The following TUBGCP3 variants were observed in gnomAD, a reference collection of about 807,000 sequenced individuals.
The protein encoded by TUBGCP3 is gamma-tubulin complex component 3.
A neutral mutation model predicts 123.1 loss-of-function variants in TUBGCP3; 50 were observed. The observed-to-expected ratio is 0.41, with a 90% confidence interval of 0.32 to 0.51. TUBGCP3 has a LOEUF of 0.51. Among genes scored for constraint, TUBGCP3 ranks in the 20% least tolerant of loss-of-function variants. The pLI is 0.36. For synonymous variants in TUBGCP3, 405 were observed against 413.9 expected (o/e 0.98, Z 0.26); for missense variants, 882 against 1,127.0 (o/e 0.78, Z 3.11).
intron 11 of TUBGCP3, among the ~76,000 whole-genome samples, chr13:112,539,952 T>C (rs1297756761): frequency 7.9e-6 from 1 of 127,202 alleles, no homozygotes; most frequent in East Asian, 2.4e-4. Flanking sequence ...CTGGGAGTGA[T>C]GACGTCAATG....
intron 4 of TUBGCP3, among the ~76,000 whole-genome samples, chr13:112,558,730 C>T (rs6577092): frequency 0.45 from 68,250 of 152,024 alleles, 19,716 homozygotes; most frequent in African/African-American, 0.83. Context: ...TATATATTCA[C>T]ATCTATATGG....
intron 3 of TUBGCP3, among the ~76,000 whole-genome samples, chr13:112,561,367 CACA>C (rs1880504618): frequency 6.6e-6 from 1 of 152,210 alleles, no homozygotes; most frequent in East Asian, 1.9e-4. Context: ...CTGTCATCGT[CACA>C]ACCACACTAT....
chr13:112,579,921 A>T (rs1429908895), intron 1 of TUBGCP3, among the ~76,000 whole-genome samples: 1 of 152,240 alleles, frequency 6.6e-6, no homozygotes, highest in Non-Finnish European at 1.5e-5. Flanking sequence ...ACTGCCAAAA[A>T]CGGAAGCACT....
At chr13:112,593,858 T>G in the TUBGCP3 span, among the ~76,000 whole-genome samples, 2 of 151,510 alleles carry the variant, frequency 1.3e-5, no homozygotes, top group African/African-American at 4.9e-5. Context: ...ATAAAAGAAA[T>G]AACATACAAG....
chr13:112,602,671 A>T, the TUBGCP3 span, among the ~76,000 whole-genome samples: 1 of 152,210 alleles, frequency 6.6e-6, no homozygotes, highest in Non-Finnish European at 1.5e-5. Context: ...CTCACAAAAC[A>T]ATTGAGTGGG....
chr13:112,544,280 C>A (rs184117616), intron 11 of TUBGCP3, among the ~76,000 whole-genome samples: 14 of 151,852 alleles, frequency 9.2e-5, no homozygotes, highest in Admixed American at 3.9e-4. Flanking sequence ...AGTGAAACCC[C>A]GTCTCTACTA....
the TUBGCP3 span, among the ~76,000 whole-genome samples, chr13:112,595,517 C>CT: frequency 6.6e-6 from 1 of 152,142 alleles, no homozygotes; most frequent in Non-Finnish European, 1.5e-5. Context: ...TTTTGCAGCT[C>CT]TGTCGTTTAG....
chr13:112,584,517 T>C (rs191304265), intron 1 of TUBGCP3, among the ~76,000 whole-genome samples: 5 of 152,312 alleles, frequency 3.3e-5, no homozygotes, highest in African/African-American at 1.2e-4. Context: ...CTCTTTACCA[T>C]TTTGGAAAAT....
rs1428454341 is a variant in TUBGCP3, at chr13:112,485,143, T to C, written c.*850A>G. The C allele has an allele frequency of 3.9e-5, 6 of 152,524 alleles. No individual in the cohort carries two copies. The highest frequency in any genetic ancestry group is 7.4e-5 in the Non-Finnish European group (5 of 68,026). The allele number at this position is 152,524 out of a possible 1,614,324, so 9.4% of individuals were successfully genotyped here. ...AACATCTTGGTCAGTAGTATATAAA[T>C]ATTTACAATGAAAAAATAGGCAAGG... On this transcript the variant is annotated 3_prime_UTR_variant, in exon 22 of 22. Transcript: ENST00000261965.
At chr13:112,593,824 A>G in the TUBGCP3 span, among the ~76,000 whole-genome samples, 1 of 152,240 alleles carries the variant, frequency 6.6e-6, no homozygotes, top group Non-Finnish European at 1.5e-5. Flanking sequence ...GAAAAGAAAA[A>G]AACAGAAATA....
chr13:112,522,658 TC>T, intron 13 of TUBGCP3, 149 bp from the exon 14 acceptor site: 1 of 669,912 alleles, frequency 1.5e-6, no homozygotes, highest in Non-Finnish European at 2.4e-6. Context: ...AGCTGGACAT[TC>T]CACAAAGGAG....
intron 21 of TUBGCP3, among the ~76,000 whole-genome samples, chr13:112,487,025 T>C (rs935957905): frequency 6.6e-6 from 1 of 151,810 alleles, no homozygotes; most frequent in Non-Finnish European, 1.5e-5. Flanking sequence ...ATAAAGTAAC[T>C]TCACCTCTGA....
rs948319809 is a variant in TUBGCP3, at chr13:112,559,375, T to C, written c.277A>G (p.Ile93Val). The C allele has an allele frequency of 1.7e-5, 28 of 1,604,636 alleles. No individual in the cohort carries two copies. Among genetic ancestry groups the C allele is most frequent in the Middle Eastern group, 1.7e-4 (1 of 5,966 alleles). ...SQGVLKNKWS[I>V]LYLLLSLSED... The stretch of plus-strand genomic sequence containing the variant: ...CTGAGGCTCAGCAAGAGGTAGAGTA[T>C]TGACCATTTATTTTTCAAAACTCCC... The change falls in exon 4 of 22, where the codon ATA (isoleucine) becomes GTA (valine). Residue 93 changes from isoleucine (I) to valine (V), a missense_variant. Transcript: ENST00000261965.
intron 2 of TUBGCP3, 149 bp from the exon 3 acceptor site, chr13:112,565,327 C>G (rs887156430): frequency 4.1e-5 from 26 of 634,066 alleles, no homozygotes; most frequent in South Asian, 2.2e-4. Flanking sequence ...AACTTTTAAG[C>G]TCTATGAATC....
At chr13:112,491,517 C>G (rs900640295) in intron 20 of TUBGCP3, among the ~76,000 whole-genome samples, 1 of 152,212 alleles carries the variant, frequency 6.6e-6, no homozygotes, top group African/African-American at 2.4e-5. Flanking sequence ...CTGTTTTGTG[C>G]TCTGAACTAC....
the TUBGCP3 span, among the ~76,000 whole-genome samples, chr13:112,599,773 C>G: frequency 1.3e-5 from 2 of 152,144 alleles, no homozygotes; most frequent in Non-Finnish European, 2.9e-5. Context: ...CCTGCCTTGG[C>G]CTCCCAAAGT....
intron 13 of TUBGCP3, among the ~76,000 whole-genome samples, chr13:112,526,037 ACAT>A (rs887426647): frequency 1.3e-5 from 2 of 152,104 alleles, no homozygotes; most frequent in African/African-American, 2.4e-5. Flanking sequence ...TAATATCAGC[ACAT>A]CATCATCACC....
intron 17 of TUBGCP3, 90 bp from the exon 18 acceptor site, chr13:112,504,804 A>G: frequency 9.5e-7 from 1 of 1,048,888 alleles, no homozygotes; most frequent in Non-Finnish European, 1.4e-6. Context: ...AAGCTATCTT[A>G]AAACAAAAAA....
At chr13:112,528,705 T>A (rs1877328105) in intron 11 of TUBGCP3, among the ~76,000 whole-genome samples, 1 of 152,196 alleles carries the variant, frequency 6.6e-6, no homozygotes, top group South Asian at 2.1e-4. Context: ...TCTGATCTAT[T>A]TTTTTGTTAT....
Sources: gnomAD v4.1 joint callset for allele counts (sites outside exome capture counted in the v4.1 genomes callset) on GRCh38, gnomAD v4.1.1 for gene constraint, MANE v1.5 for transcripts, NCBI Gene and HGNC (gene_info 2026-07-23, HGNC 2026-07-21) for gene names.